Variants in KCNB2 observed in about 807,000 individuals in gnomAD.
KCNB2 encodes the protein potassium voltage-gated channel subfamily B member 2.
A neutral mutation model predicts 61.5 loss-of-function variants in KCNB2; 15 were observed. That is an observed-to-expected ratio of 0.24 (90% CI 0.16 to 0.38). The LOEUF (loss-of-function observed/expected upper bound fraction) is 0.38, where lower values mean the gene tolerates loss of function less well. KCNB2 is among the 10% of genes least tolerant of loss of function. The pLI, the probability that KCNB2 is intolerant of heterozygous loss-of-function variation, is 1.00. For missense variants in KCNB2, 828 were observed against 1,125.2 expected, an observed-to-expected ratio of 0.74 and a Z score of 3.78; for synonymous variants, 457 against 446.0, an observed-to-expected ratio of 1.02 and a Z score of -0.31.
chr8:72,604,774 A>G (rs1805419977), intron 2 of KCNB2, among the ~76,000 whole-genome samples: 1 of 152,206 alleles, frequency 6.6e-6, no homozygotes, highest in South Asian at 2.1e-4. Context: ...CCTTTCACTT[A>G]GACTCCAAAG....
intron 2 of KCNB2, among the ~76,000 whole-genome samples, chr8:72,791,475 A>G (rs760480433): frequency 3.3e-5 from 5 of 152,090 alleles, no homozygotes; most frequent in Non-Finnish European, 5.9e-5. Flanking sequence ...TTTGAGCCTA[A>G]TAGATCAAGG....
intron 2 of KCNB2, among the ~76,000 whole-genome samples, chr8:72,767,416 C>A (rs962857593): frequency 7.2e-5 from 11 of 152,140 alleles, no homozygotes; most frequent in African/African-American, 2.7e-4. Flanking sequence ...GTCACCTCAT[C>A]CTCTCTCCCT....
chr8:72,565,662 A>AC (rs397762737), intron 1 of KCNB2, among the ~76,000 whole-genome samples: 9 of 147,844 alleles, frequency 6.1e-5, no homozygotes, highest in African/African-American at 2.1e-4. Flanking sequence ...ACACACACAC[A>AC]ACACACACAC....
At chr8:72,574,298 G>C (rs1468399535) in intron 2 of KCNB2, among the ~76,000 whole-genome samples, 1 of 152,202 alleles carries the variant, frequency 6.6e-6, no homozygotes. Context: ...GATCATGGGA[G>C]AGAAGGGCAA....
At chr8:72,717,332 CAA>C (rs1370421305) in intron 2 of KCNB2, among the ~76,000 whole-genome samples, 1 of 152,030 alleles carries the variant, frequency 6.6e-6, no homozygotes, top group Non-Finnish European at 1.5e-5. Flanking sequence ...CATACGGAAC[CAA>C]AAAAGAGCTT....
At chr8:72,832,795 G>A (rs553153304) in intron 2 of KCNB2, among the ~76,000 whole-genome samples, 127 of 152,296 alleles carry the variant, frequency 8.3e-4, no homozygotes, top group African/African-American at 2.7e-3. Flanking sequence ...CAGAGAGAAG[G>A]CCAAGTGACA....
At chr8:72,599,717 C>A (rs551675063) in intron 2 of KCNB2, among the ~76,000 whole-genome samples, 4 of 152,172 alleles carry the variant, frequency 2.6e-5, no homozygotes, top group African/African-American at 9.6e-5. Flanking sequence ...GGCTAATATC[C>A]AGAATCTACA....
At chr8:72,866,713 A>G (rs1805527533) in intron 2 of KCNB2, among the ~76,000 whole-genome samples, 3 of 152,234 alleles carry the variant, frequency 2.0e-5, no homozygotes, top group Admixed American at 6.5e-5. Flanking sequence ...AAGCAACCCA[A>G]CAACTGCTAT....
chr8:72,749,822 G>T (rs1028433878), intron 2 of KCNB2, among the ~76,000 whole-genome samples: 49 of 142,608 alleles, frequency 3.4e-4, no homozygotes, highest in African/African-American at 1.1e-3. Flanking sequence ...AATTATATAT[G>T]ATATATACAA....
rs139211690 is a variant in KCNB2, at chr8:72,890,930, C to T, written c.580-45005C>T. Among the ~76,000 whole-genome samples, 27 of 152,254 alleles carry T rather than the reference C, an allele frequency of 1.8e-4. No individual in the cohort carries two copies. In the East Asian group the frequency reaches 5.2e-3, roughly 29 times the overall value. On this transcript the variant is annotated intron_variant, in intron 2 of 2. Coordinates refer to ENST00000523207, the MANE Select transcript of KCNB2 (RefSeq NM_004770.3). ...GCTTATTACATAAATTTTAAGACTG[C>T]CTTAGAGAATCCTAAGGAATACCAA... is the stretch of plus-strand genomic sequence containing the variant.
At chr8:72,921,430 A>G (rs894533360) in intron 2 of KCNB2, among the ~76,000 whole-genome samples, 3 of 152,158 alleles carry the variant, frequency 2.0e-5, no homozygotes, top group African/African-American at 2.4e-5. Flanking sequence ...TGCTTTTACT[A>G]GGAGCTGAAT....
chr8:72,638,343 G>A (rs1446357239), intron 2 of KCNB2, among the ~76,000 whole-genome samples: 3 of 152,002 alleles, frequency 2.0e-5, no homozygotes, highest in Non-Finnish European at 2.9e-5. Flanking sequence ...CAAAAGATTG[G>A]GAAACTACCA....
At chr8:72,681,305 A>G (rs754583969) in intron 2 of KCNB2, among the ~76,000 whole-genome samples, 8 of 152,186 alleles carry the variant, frequency 5.3e-5, no homozygotes, top group Non-Finnish European at 1.2e-4. Context: ...ACAAAAAAAG[A>G]CAGCTTTTTT....
intron 2 of KCNB2, among the ~76,000 whole-genome samples, chr8:72,587,292 G>A (rs931703657): frequency 2.0e-5 from 3 of 152,146 alleles, no homozygotes; most frequent in African/African-American, 7.2e-5. Flanking sequence ...AAGACAGGGA[G>A]TATAGCTCTT....
intron 2 of KCNB2, among the ~76,000 whole-genome samples, chr8:72,598,535 T>C (rs1468284500): frequency 5.3e-5 from 8 of 152,210 alleles, no homozygotes; most frequent in Non-Finnish European, 1.2e-4. Flanking sequence ...CTTTGAAAAC[T>C]GGCACAAGAC....
chr8:72,757,647 G>A (rs1310580627), intron 2 of KCNB2, among the ~76,000 whole-genome samples: 1 of 151,490 alleles, frequency 6.6e-6, no homozygotes, highest in Non-Finnish European at 1.5e-5. Context: ...TTATGTGCGT[G>A]TGTGTGTGTG....
chr8:72,702,190 A>G (rs1807142602), intron 2 of KCNB2, among the ~76,000 whole-genome samples: 1 of 152,176 alleles, frequency 6.6e-6, no homozygotes, highest in African/African-American at 2.4e-5. Context: ...CAAAACATAA[A>G]TTAACTTTCC....
intron 2 of KCNB2, among the ~76,000 whole-genome samples, chr8:72,629,220 A>G (rs1805841466): frequency 6.6e-6 from 1 of 152,222 alleles, no homozygotes; most frequent in African/African-American, 2.4e-5. Context: ...CAGTGTTAAC[A>G]ATGGGAAGAG....
At chr8:72,860,682 A>T (rs905716316) in intron 2 of KCNB2, among the ~76,000 whole-genome samples, 2 of 152,196 alleles carry the variant, frequency 1.3e-5, no homozygotes, top group Non-Finnish European at 2.9e-5. Flanking sequence ...AAATGCACTT[A>T]AAAGAAGTCA....
Sources: gnomAD v4.1 joint callset for allele counts (sites outside exome capture counted in the v4.1 genomes callset) on GRCh38, gnomAD v4.1.1 for gene constraint, MANE v1.5 for transcripts, NCBI Gene and HGNC (gene_info 2026-07-23, HGNC 2026-07-21) for gene names.